The following NRG1 variants were observed in gnomAD, a reference collection of about 807,000 sequenced individuals.
NRG1 encodes the protein neuregulin 1, also known as pro-neuregulin-1, membrane-bound isoform.
NRG1 carries 18 observed loss-of-function variants against 63.8 expected under a neutral mutation model. The ratio of observed to expected loss-of-function variants is 0.28; its 90% CI spans 0.19 to 0.42. The LOEUF (loss-of-function observed/expected upper bound fraction) is 0.42, where lower values mean the gene tolerates loss of function less well. Ranked by LOEUF, NRG1 falls within the 10% of genes least tolerant of loss-of-function variation. NRG1 has a pLI of 1.00. For synonymous variants in NRG1, 302 were observed against 301.3 expected, an observed-to-expected ratio of 1.00 and a Z score of -0.02; for missense variants, 762 against 814.7, an observed-to-expected ratio of 0.94 and a Z score of 0.79.
At chr8:32,698,677 G>C (rs532779306) in intron 5 of NRG1, among the ~76,000 whole-genome samples, 1 of 152,314 alleles carries the variant, frequency 6.6e-6, no homozygotes, top group South Asian at 2.1e-4. Context: ...GATGGCCTTA[G>C]CACCAGTGCT....
chr8:31,762,397 A>G (rs752493713), intron 1 of NRG1, among the ~76,000 whole-genome samples: 1 of 152,220 alleles, frequency 6.6e-6, no homozygotes, highest in Non-Finnish European at 1.5e-5. Flanking sequence ...ATGGCTGCAA[A>G]GTATTCCATG....
At chr8:32,068,387 C>G (rs1389952685) in intron 1 of NRG1, among the ~76,000 whole-genome samples, 1 of 152,114 alleles carries the variant, frequency 6.6e-6, no homozygotes, top group Non-Finnish European at 1.5e-5. Context: ...GAAATAAAAT[C>G]AGGGAATGTG....
At chr8:32,297,209 G>C (rs1238005645) in intron 1 of NRG1, among the ~76,000 whole-genome samples, 1 of 151,956 alleles carries the variant, frequency 6.6e-6, no homozygotes, top group Non-Finnish European at 1.5e-5. Flanking sequence ...AAAATTTCTA[G>C]ATTTCTCTGT....
exon 12 of NRG1, chr8:32,765,583 C>G (rs1207415878): frequency 6.6e-6 from 1 of 152,106 alleles, no homozygotes. Context: ...TTTCTTTTAT[C>G]TTTCCATGTT....
At chr8:31,685,989 T>TGAAC (rs1479666313) in intron 1 of NRG1, among the ~76,000 whole-genome samples, 9 of 152,204 alleles carry the variant, frequency 5.9e-5, no homozygotes, top group African/African-American at 2.2e-4. Flanking sequence ...AACATATGTT[T>TGAAC]TTATTTCTCT....
intron 1 of NRG1, among the ~76,000 whole-genome samples, chr8:32,418,211 G>GTT (rs1204802979): frequency 6.6e-6 from 1 of 151,998 alleles, no homozygotes; most frequent in Non-Finnish European, 1.5e-5. Flanking sequence ...AATGCTAATG[G>GTT]TATTCTTCTA....
chr8:32,229,358 G>C (rs1384892232), intron 1 of NRG1, among the ~76,000 whole-genome samples: 1 of 152,182 alleles, frequency 6.6e-6, no homozygotes, highest in Non-Finnish European at 1.5e-5. Context: ...TTTTGGGTTT[G>C]TGAGGATATT....
chr8:32,751,573 T>C (rs940595445), intron 7 of NRG1, among the ~76,000 whole-genome samples: 2 of 152,196 alleles, frequency 1.3e-5, no homozygotes, highest in Admixed American at 6.5e-5. Flanking sequence ...GATCACCTGA[T>C]TGAGCCAAAC....
intron 5 of NRG1, among the ~76,000 whole-genome samples, chr8:32,688,063 A>C (rs887358527): frequency 6.6e-6 from 1 of 152,184 alleles, no homozygotes; most frequent in African/African-American, 2.4e-5. Flanking sequence ...GAAGGGGAGA[A>C]ATGAACTCCC....
intron 1 of NRG1, among the ~76,000 whole-genome samples, chr8:32,431,896 C>T (rs918578705): frequency 1.9e-4 from 29 of 152,172 alleles, no homozygotes; most frequent in Middle Eastern, 3.4e-3. Context: ...AATATTTACC[C>T]TATGGGACTG....
At chr8:32,283,846 T>C (rs1482153690) in intron 1 of NRG1, among the ~76,000 whole-genome samples, 2 of 152,192 alleles carry the variant, frequency 1.3e-5, no homozygotes, top group African/African-American at 4.8e-5. Flanking sequence ...TCAGGCTCTG[T>C]TGATGATGCA....
At chr8:32,218,410 G>A (rs959636440) in intron 1 of NRG1, among the ~76,000 whole-genome samples, 1 of 152,104 alleles carries the variant, frequency 6.6e-6, no homozygotes, top group Non-Finnish European at 1.5e-5. Flanking sequence ...TGGCATCACG[G>A]GGGTGCTCTG....
At chr8:32,561,122 C>T (rs1836315577) in intron 1 of NRG1, among the ~76,000 whole-genome samples, 1 of 152,150 alleles carries the variant, frequency 6.6e-6, no homozygotes, top group Non-Finnish European at 1.5e-5. Flanking sequence ...TCAATCCTAG[C>T]ACTAGAACCC....
intron 5 of NRG1, among the ~76,000 whole-genome samples, chr8:32,711,987 G>A (rs564795564): frequency 2.6e-5 from 4 of 152,208 alleles, no homozygotes; most frequent in Admixed American, 6.5e-5. Context: ...GTTGGATAAC[G>A]GATGGCAGAG....
Position 31,753,680 on chromosome 8 carries a change from T to C in NRG1, c.37+114249T>C, listed in dbSNP as rs894129209. On this transcript the variant is annotated intron_variant, in intron 1 of 10. Coordinates refer to the NRG1 transcript ENST00000519301. ...TATCCAAACAATCACTCTCATAATG[T>C]AAGAGAAGGAAAGAAAAACTAAAAA... Among the ~76,000 whole-genome samples, 99 of 152,212 alleles carry C rather than the reference T, an allele frequency of 6.5e-4. 1 individual carries two copies. The highest frequency in any genetic ancestry group is 2.0e-3 in the African/African-American group (82 of 41,552).
intron 5 of NRG1, among the ~76,000 whole-genome samples, chr8:32,622,277 G>A (rs1040659871): frequency 6.6e-6 from 1 of 152,084 alleles, no homozygotes; most frequent in African/African-American, 2.4e-5. Flanking sequence ...CAGAGACCCT[G>A]TCTCAAAAAT....
chr8:32,440,320 T>C lies in NRG1; in HGVS notation c.38-155508T>C, dbSNP rs577822216. On this transcript the variant is annotated intron_variant, in intron 1 of 10. Transcript: ENST00000519301. Reference sequence around the variant, plus strand: ...AACCATAGCACCCGGCTAATTTTCTTTTCTTTTCTTTTTGGTAGATATGGA... The same window carrying C: ...AACCATAGCACCCGGCTAATTTTCTCTTCTTTTCTTTTTGGTAGATATGGA... Among the ~76,000 whole-genome samples, 6 of 152,184 alleles carry C rather than the reference T, an allele frequency of 3.9e-5. No individual in the cohort carries two copies. The East Asian group carries it at 1.2e-3, about 30-fold the overall frequency.
intron 1 of NRG1, among the ~76,000 whole-genome samples, chr8:31,876,569 T>C (rs1487838822): frequency 2.0e-5 from 3 of 152,180 alleles, no homozygotes; most frequent in Non-Finnish European, 4.4e-5. Flanking sequence ...ATGACTCTTG[T>C]AACACTATTA....
intron 1 of NRG1, among the ~76,000 whole-genome samples, chr8:31,912,072 T>C (rs1347329660): frequency 6.6e-6 from 1 of 152,210 alleles, no homozygotes; most frequent in Non-Finnish European, 1.5e-5. Flanking sequence ...GTTGTGAGTG[T>C]TAAAATGATG....
Sources: allele counts gnomAD v4.1 joint callset (sites outside exome capture counted in the v4.1 genomes callset), GRCh38; gene constraint gnomAD v4.1.1; transcripts MANE v1.5; gene names NCBI Gene and HGNC (gene_info 2026-07-23, HGNC 2026-07-21).